Variants in PPAN observed in about 807,000 individuals in gnomAD.
The protein encoded by PPAN is suppressor of SWI4 1 homolog.
PPAN carries 39 observed loss-of-function variants against 48.5 expected under a neutral mutation model. The ratio of observed to expected loss-of-function variants is 0.80; its 90% CI spans 0.62 to 1.05. The LOEUF is 1.05. PPAN is among the 50% of genes least tolerant of loss of function. PPAN has a pLI of 0.00. For synonymous variants in PPAN, 315 were observed against 268.6 expected (o/e 1.17, Z -1.69); for missense variants, 736 against 661.7 (o/e 1.11, Z -1.23).
At position 10,111,308 on chromosome 19, in the gene PPAN, C is replaced by A; in HGVS notation, c.*143C>A. 1 of 1,051,250 alleles carries A rather than the reference C, an allele frequency of 9.5e-7. No individual in the cohort carries two copies. The highest frequency in any genetic ancestry group is 1.3e-6 in the Non-Finnish European group (1 of 750,178). The allele number at this position is 1,051,250 out of a possible 1,614,324, so 65.1% of individuals were successfully genotyped here. A position where few individuals can be genotyped will look rare whatever the true frequency, so the allele number is the denominator to read the frequency against. ...AACTGAATTGGCCAGGGGTCCACGT[C>A]AGCGTTTGGGATGGGGGATTCTGGA... On this transcript the variant is annotated 3_prime_UTR_variant, in exon 12 of 12. Coordinates refer to ENST00000253107, the MANE Select transcript of PPAN (RefSeq NM_020230.7).
rs1366514215 is a variant in PPAN at position 10,111,351 on chromosome 19, A to G, written c.*186A>G. The G allele has an allele frequency of 5.0e-6, 4 of 795,192 alleles. No homozygotes were observed. The highest frequency in any genetic ancestry group is 7.7e-6 in the Non-Finnish European group (4 of 516,424). 49.3% of individuals were successfully genotyped at this position (795,192 alleles called of 1,614,324 possible). ...ATTCTGGAGCCATACAAAGCAACCC[A>G]GAGAGTCCTGGGCCGGCCACACCCG... is the stretch of plus-strand genomic sequence containing the variant. On this transcript the variant is annotated 3_prime_UTR_variant, in exon 12 of 12. Coordinates refer to ENST00000253107, the MANE Select transcript of PPAN (RefSeq NM_020230.7).
Position 10,107,344 on chromosome 19 carries a change from C to T in PPAN, c.190-161C>T, listed in dbSNP as rs147450639. On this transcript the variant is annotated intron_variant, in intron 2 of 11. Transcript: ENST00000253107. ...CAAGAGACAGAGTTAGAACTCAAAT[C>T]TGCGTCCGACTGACTCTAAAGGCTA... is the stretch of plus-strand genomic sequence containing the variant. Among the ~76,000 whole-genome samples the T allele has an allele frequency of 3.9e-5, 6 of 152,336 alleles. No individual in the cohort carries two copies. In the East Asian group the frequency reaches 1.2e-3, roughly 29 times the overall value.
chr19:10,107,813 C>A lies in PPAN; in HGVS notation c.301C>A (p.Arg101Ser), dbSNP rs775352510. ...TETNVYFKLM[R>S]LPGGPTLTFQ... ...TTTTCTTCTCCTGCAGAAGCTGATG[C>A]GCCTCCCAGGAGGCCCCACCTTGAC... Residue 101 changes from arginine to serine, a missense_variant, in exon 4 of 12, where the codon CGC (arginine) becomes AGC (serine). Arg to Ser is a moderately radical substitution (Grantham distance 110). Transcript: ENST00000253107. 4 of 1,613,506 alleles carry A rather than the reference C, an allele frequency of 2.5e-6. No individual in the cohort carries two copies. Among genetic ancestry groups the A allele is most frequent in the Admixed American group, 3.3e-5 (2 of 60,000 alleles).
At position 10,111,409 on chromosome 19, in the gene PPAN, C is replaced by A; in HGVS notation, c.*244C>A. The A allele has an allele frequency of 1.6e-6, 1 of 640,696 alleles. No individual in the cohort carries two copies. The highest frequency in any genetic ancestry group is 2.7e-6 in the Non-Finnish European group (1 of 375,438). 39.7% of individuals were successfully genotyped at this position (640,696 alleles called of 1,614,324 possible). ...CTCCCACCTGGTTTCTTCCTGGAAG[C>A]TGGGTCTCTCCCCTACCCTGCACGG... On this transcript the variant is annotated 3_prime_UTR_variant, in exon 12 of 12. Coordinates refer to ENST00000253107, the MANE Select transcript of PPAN (RefSeq NM_020230.7).
chr19:10,106,427 C>T lies in PPAN; in HGVS notation c.18+15C>T. 6.5e-7 allele frequency: 1 copy of T among 1,548,432 alleles called. No homozygotes were observed. The highest frequency in any genetic ancestry group is 1.2e-5 in the South Asian group (1 of 83,860). On this transcript the variant is annotated intron_variant, in intron 1 of 11. Transcript: ENST00000253107. ...AGTCAGGGAGGGTAAGGCCCGGCAG[C>T]TTGGGAGGCAGGTGGCGCAGGTGGG...
intron 2 of PPAN, chr19:10,107,038 T>G: frequency 1.9e-6 from 1 of 539,470 alleles, no homozygotes; most frequent in Non-Finnish European, 3.5e-6. Flanking sequence ...AATAGAAAAA[T>G]TAGTCGGATA....
rs376365332 is a variant in PPAN, at chr19:10,109,902, T to C, written c.591-11T>C. On this transcript the variant is annotated splice_polypyrimidine_tract_variant and intron_variant, in intron 6 of 11. Coordinates refer to ENST00000253107, the MANE Select transcript of PPAN (RefSeq NM_020230.7). ...TGACCACCCCCTTGCCGTCCACTCA[T>C]GTTCCTGCAGTAGCATCAAAGTTGT... 43 of 1,613,690 alleles carry C rather than the reference T, an allele frequency of 2.7e-5. No homozygotes were observed. The highest frequency in any genetic ancestry group is 3.1e-5 in the Non-Finnish European group (37 of 1,179,712).
Position 10,111,446 on chromosome 19 carries a change from T to C in PPAN, c.*281T>C, listed in dbSNP as rs1029495553. 6.4e-6 allele frequency: 4 copies of C among 623,492 alleles called. No homozygotes were observed. Among genetic ancestry groups the C allele is most frequent in the Admixed American group, 5.9e-5 (2 of 33,968 alleles). 38.6% of individuals were successfully genotyped at this position (623,492 alleles called of 1,614,324 possible). Reference sequence around the variant, plus strand: ...CCTACCCTGCACGGGGTTGGTTTCATTGGTGGCAGCAGCAGCCATGAGTGG... The same window carrying C: ...CCTACCCTGCACGGGGTTGGTTTCACTGGTGGCAGCAGCAGCCATGAGTGG... On this transcript the variant is annotated 3_prime_UTR_variant, in exon 12 of 12. Coordinates refer to ENST00000253107, the MANE Select transcript of PPAN (RefSeq NM_020230.7).
In PPAN at chr19:10,111,965, C is replaced by G. The variant is rs369584866; in HGVS notation, c.*800C>G. The G allele has an allele frequency of 1.7e-5, 9 of 522,274 alleles. No individual in the cohort carries two copies. In the East Asian group the frequency reaches 2.1e-4, roughly 12 times the overall value. 32.4% of individuals were successfully genotyped at this position (522,274 alleles called of 1,614,324 possible). The stretch of plus-strand genomic sequence containing the variant: ...TCTCTACTAAAAATAAAAAAATTAG[C>G]TGGGCCTGGTGGCACATGCCTGTAA... On this transcript the variant is annotated 3_prime_UTR_variant, in exon 12 of 12. Coordinates refer to ENST00000253107, the MANE Select transcript of PPAN (RefSeq NM_020230.7).
rs905864181 is a variant in PPAN at position 10,106,772 on chromosome 19, C to T, written c.189+101C>T. On this transcript the variant is annotated intron_variant, in intron 2 of 11. Transcript: ENST00000253107. The stretch of plus-strand genomic sequence containing the variant: ...TAAAACTGTGGGAGGACTTAAGTCT[C>T]CCCAGCTGGAAAAAAAGACCCTCAT... The T allele has an allele frequency of 1.5e-5, 22 of 1,427,792 alleles. No individual in the cohort carries two copies. The African/African-American group carries it at 2.6e-4, about 17-fold the overall frequency. The allele number at this position is 1,427,792 out of a possible 1,614,324, so 88.4% of individuals were successfully genotyped here.
chr19:10,106,602 T>G lies in PPAN; in HGVS notation c.120T>G (p.Gly40=). 1 of 1,550,324 alleles carries G rather than the reference T, an allele frequency of 6.5e-7. No individual in the cohort carries two copies. Among genetic ancestry groups the G allele is most frequent in the Non-Finnish European group, 8.7e-7 (1 of 1,147,818 alleles). ...HSFVFTRGCT[G]RNIRQLSLDV... is the part of the protein sequence containing the mutation. ...TCGTGTTCACGCGAGGCTGCACGGG[T>G]CGCAACATCCGGCAGCTCAGCCTGG... Residue 40 remains glycine (G), a synonymous_variant, in exon 2 of 12, where the codon GGT becomes GGG. Transcript: ENST00000253107.
chr19:10,106,838 G>A lies in PPAN; in HGVS notation c.189+167G>A, dbSNP rs1380495943. On this transcript the variant is annotated intron_variant, in intron 2 of 11. Coordinates refer to ENST00000253107, the MANE Select transcript of PPAN (RefSeq NM_020230.7). ...TGCCTTTCAGGGCTTTTGCTGGGCT[G>A]GAGTGAGGGCGCGCAGCTTGGGAGA... The A allele has an allele frequency of 4.0e-5, 45 of 1,125,442 alleles. No individual in the cohort carries two copies. The East Asian group carries it at 1.2e-3, about 30-fold the overall frequency. The allele number at this position is 1,125,442 out of a possible 1,614,324, so 69.7% of individuals were successfully genotyped here.
chr19:10,111,007 T>C lies in PPAN; in HGVS notation c.1264T>C (p.Trp422Arg). The change falls in exon 12 of 12, where the codon TGG becomes CGG. Residue 422 changes from tryptophan (W) to arginine (R), a missense_variant. Transcript: ENST00000253107. ...GTCTCCAGGGCGGAAGCGGAAGCGG[T>C]GGGAAATGGATCGAGGCAGGGGTCG... ...AKSPGRKRKRWEMDRGRGRLC... is the reference protein window; with the variant it reads ...AKSPGRKRKRREMDRGRGRLC... 6.2e-7 allele frequency: 1 copy of C among 1,613,154 alleles called. No individual in the cohort carries two copies. Among genetic ancestry groups the C allele is most frequent in the Non-Finnish European group, 8.5e-7 (1 of 1,179,898 alleles).
At chr19:10,109,826 C>T (rs904551132) in intron 6 of PPAN, 87 bp from the exon 7 acceptor site, 46 of 1,593,150 alleles carry the variant, frequency 2.9e-5, no homozygotes, top group African/African-American at 9.4e-5. Context: ...AACGCCCTGA[C>T]GCACTGTGGG....
rs766170694 is a variant in PPAN, at chr19:10,110,170, A to G, written c.746A>G (p.Asn249Ser). 11 of 1,610,496 alleles carry G rather than the reference A, an allele frequency of 6.8e-6. No homozygotes were observed. Among genetic ancestry groups the G allele is most frequent in the South Asian group, 6.6e-5 (6 of 91,084 alleles). ...ESEAEPDGDH[N>S]ITELPQAVAG... Reference sequence around the variant, plus strand: ...GAGGCAGAGCCTGACGGCGACCACAACATCACAGAGCTGCCTCAGGCTGTC... The same window carrying G: ...GAGGCAGAGCCTGACGGCGACCACAGCATCACAGAGCTGCCTCAGGCTGTC... The change falls in exon 8 of 12, where the codon AAC becomes AGC. Residue 249 changes from asparagine to serine, a missense_variant. Coordinates refer to ENST00000253107, the MANE Select transcript of PPAN (RefSeq NM_020230.7). The surrounding 1 kb of genome is among the most constrained non-coding windows in gnomAD (Gnocchi z 5.9).
chr19:10,106,859 G>T (rs2088849277), intron 2 of PPAN, 188 bp downstream of exon 2: 1 of 957,264 alleles, frequency 1.0e-6, no homozygotes, highest in Non-Finnish European at 1.5e-6. Flanking sequence ...GCGCAGCTTG[G>T]GAGATAGATA....
At chr19:10,108,893 A>T (rs541188754) in intron 5 of PPAN, among the ~76,000 whole-genome samples, 1 of 151,930 alleles carries the variant, frequency 6.6e-6, no homozygotes, top group African/African-American at 2.4e-5. Flanking sequence ...GATGGGACTT[A>T]TAAATTATAT....
Position 10,111,633 on chromosome 19 carries a change from GC to G in PPAN, c.*469del. 5.2e-6 allele frequency: 8 copies of G among 1,546,414 alleles called. No individual in the cohort carries two copies. The South Asian group carries it at 9.0e-5, about 17-fold the overall frequency. On this transcript the variant is annotated 3_prime_UTR_variant, in exon 12 of 12. Transcript: ENST00000253107. The stretch of plus-strand genomic sequence containing the variant: ...GGCTGGGCCAGTAACTGGGGATGGG[GC>G]TGGGGCAGGGCCCACTAAGCCACTG...
Position 10,110,111 on chromosome 19 carries a change from TC to T in PPAN, c.699-10del. ...AGCTCCCCCACTGAGCCCTGTTATG[TC>T]CTACACACAGGGGCGCGGGGCTGTC... On this transcript the variant is annotated splice_polypyrimidine_tract_variant and intron_variant, in intron 7 of 11. Coordinates refer to ENST00000253107, the MANE Select transcript of PPAN (RefSeq NM_020230.7). This position sits in a 1 kb window ranked among gnomAD's most constrained non-coding sequence, Gnocchi z 5.9. The T allele has an allele frequency of 6.2e-7, 1 of 1,611,422 alleles. No individual in the cohort carries two copies. The highest frequency in any genetic ancestry group is 1.7e-5 in the Admixed American group (1 of 60,000).
Sources: allele counts gnomAD v4.1 joint callset (sites outside exome capture counted in the v4.1 genomes callset), GRCh38; gene constraint gnomAD v4.1.1; non-coding constraint Gnocchi (gnomAD v3.1); transcripts MANE v1.5; gene names NCBI Gene and HGNC (gene_info 2026-07-23, HGNC 2026-07-21).